The following GRIN2A variants were observed in gnomAD, a reference collection of about 807,000 sequenced individuals.
The protein encoded by GRIN2A is glutamate receptor ionotropic, NMDA 2A.
In GRIN2A, 22 loss-of-function variants were observed where a neutral mutation model predicts 113.4. That is an observed-to-expected ratio of 0.19 (90% CI 0.14 to 0.28). The LOEUF (loss-of-function observed/expected upper bound fraction) is 0.28. GRIN2A is among the 10% of genes least tolerant of loss of function. The pLI is 1.00. For missense variants in GRIN2A, 1,502 were observed against 1,887.0 expected, an observed-to-expected ratio of 0.80 and a Z score of 3.78; for synonymous variants, 827 against 738.4, an observed-to-expected ratio of 1.12 and a Z score of -1.94.
intron 8 of GRIN2A, among the ~76,000 whole-genome samples, chr16:9,830,915 G>T (rs1025012871): frequency 6.6e-6 from 1 of 152,174 alleles, no homozygotes; most frequent in Non-Finnish European, 1.5e-5. Flanking sequence ...CTTTATGAAC[G>T]ATTTAGTTTT....
chr16:10,121,651 A>G (rs2352760), intron 2 of GRIN2A: 128,029 of 151,866 alleles, frequency 0.84, 54,765 homozygotes, highest in East Asian at 0.92. Flanking sequence ...GCCACATATC[A>G]TGAGTTTCCA....
intron 3 of GRIN2A, among the ~76,000 whole-genome samples, chr16:9,904,489 T>C (rs1391256115): frequency 6.6e-6 from 1 of 152,094 alleles, no homozygotes; most frequent in African/African-American, 2.4e-5. Context: ...CTCATGTCTC[T>C]GTCTCCCCAG....
At chr16:10,006,932 G>T (rs2046414211) in intron 2 of GRIN2A, among the ~76,000 whole-genome samples, 1 of 152,122 alleles carries the variant, frequency 6.6e-6, no homozygotes, top group African/African-American at 2.4e-5. Context: ...GTGACCTTCA[G>T]TTTCATCCAT....
intron 2 of GRIN2A, among the ~76,000 whole-genome samples, chr16:10,159,458 G>C (rs13331579): frequency 0.026 from 3,910 of 152,232 alleles, 154 homozygotes; most frequent in African/African-American, 0.09. Flanking sequence ...CAACTACTAA[G>C]GACTATATCT....
At chr16:9,994,790 C>T (rs558618438) in intron 2 of GRIN2A, among the ~76,000 whole-genome samples, 5 of 152,178 alleles carry the variant, frequency 3.3e-5, no homozygotes, top group Admixed American at 6.5e-5. Flanking sequence ...CATTGGAACT[C>T]CTTTACCCTG....
chr16:9,807,826 T>G (rs947958837), intron 10 of GRIN2A, among the ~76,000 whole-genome samples: 2 of 152,098 alleles, frequency 1.3e-5, no homozygotes, highest in East Asian at 3.9e-4. Context: ...GTTGGGAAAG[T>G]CTAAATATTT....
In GRIN2A at chr16:9,753,485, T is replaced by A. The variant is rs867376945; in HGVS notation, c.*9664A>T. 1 of 203,198 alleles carries A rather than the reference T, an allele frequency of 4.9e-6. No individual in the cohort carries two copies. Among genetic ancestry groups the A allele is most frequent in the African/African-American group, 2.3e-5 (1 of 43,636 alleles). 12.6% of individuals were successfully genotyped at this position (203,198 alleles called of 1,614,324 possible). ...CCTGTATTTACATTTTTACACCATA[T>A]GACCGGGCACTTCTGTTGCCTCAGG... On this transcript the variant is annotated 3_prime_UTR_variant, in exon 13 of 13. Transcript: ENST00000330684.
intron 2 of GRIN2A, among the ~76,000 whole-genome samples, chr16:10,010,355 T>C (rs1219390327): frequency 6.6e-6 from 1 of 152,182 alleles, no homozygotes; most frequent in Non-Finnish European, 1.5e-5. Context: ...ACAGGAAAAA[T>C]AACTAATGGG....
intron 3 of GRIN2A, among the ~76,000 whole-genome samples, chr16:9,928,088 CA>C (rs2044503868): frequency 6.6e-6 from 1 of 152,202 alleles, no homozygotes. Flanking sequence ...ACACAGCTAG[CA>C]CCATCACGCT....
At chr16:10,126,955 G>A (rs1015182091) in intron 2 of GRIN2A, among the ~76,000 whole-genome samples, 22 of 152,140 alleles carry the variant, frequency 1.4e-4, no homozygotes, top group Non-Finnish European at 4.4e-5. Context: ...CATAAACAAA[G>A]AGCCTTTTCT....
intron 5 of GRIN2A, among the ~76,000 whole-genome samples, chr16:9,843,568 G>T (rs1192361766): frequency 3.3e-5 from 5 of 152,054 alleles, no homozygotes; most frequent in Non-Finnish European, 5.9e-5. Context: ...CTTTATCTCA[G>T]GATCACAGAC....
chr16:9,772,462 C>T (rs951964430), intron 11 of GRIN2A, among the ~76,000 whole-genome samples: 1 of 152,192 alleles, frequency 6.6e-6, no homozygotes, highest in Admixed American at 6.5e-5. Context: ...GTAGCAACTT[C>T]CTGGGCTCAG....
At chr16:9,901,167 T>G (rs559746831) in intron 3 of GRIN2A, among the ~76,000 whole-genome samples, 29 of 152,368 alleles carry the variant, frequency 1.9e-4, no homozygotes, top group African/African-American at 7.0e-4. Flanking sequence ...CCTAGAATAC[T>G]ACCTGGTATA....
chr16:9,913,656 G>A (rs553692602), intron 3 of GRIN2A, among the ~76,000 whole-genome samples: 49 of 152,228 alleles, frequency 3.2e-4, no homozygotes, highest in Non-Finnish European at 5.3e-4. Flanking sequence ...TGCATGTTTC[G>A]GAAATTGGGC....
rs1903214143 is a variant in GRIN2A at position 9,799,356 on chromosome 16, G to A, written c.2169-892C>T. On this transcript the variant is annotated intron_variant, in intron 10 of 12. Transcript: ENST00000330684. ...CTGGAGTTATGCTGCTGCAAGCCAA[G>A]GAACTACCAGAAGTCAGGAGAGAGG... Among the ~76,000 whole-genome samples the A allele has an allele frequency of 2.6e-5, 4 of 152,202 alleles. No homozygotes were observed. In the South Asian group the frequency reaches 8.3e-4, roughly 32 times the overall value.
intron 10 of GRIN2A, among the ~76,000 whole-genome samples, chr16:9,801,544 G>A (rs1216187310): frequency 6.6e-6 from 1 of 152,208 alleles, no homozygotes; most frequent in Non-Finnish European, 1.5e-5. Context: ...GGTATTTTAT[G>A]GACAGGCATA....
chr16:9,812,043 G>A (rs2042096277), intron 10 of GRIN2A, among the ~76,000 whole-genome samples: 1 of 152,160 alleles, frequency 6.6e-6, no homozygotes, highest in Admixed American at 6.5e-5. Context: ...GACGAAATTG[G>A]TACTAGGTTT....
At chr16:9,880,866 A>T (rs1025291427) in intron 4 of GRIN2A, among the ~76,000 whole-genome samples, 1 of 152,186 alleles carries the variant, frequency 6.6e-6, no homozygotes, top group African/African-American at 2.4e-5. Flanking sequence ...TCTCTTCTCT[A>T]AACACCTGGA....
intron 2 of GRIN2A, among the ~76,000 whole-genome samples, chr16:10,123,325 T>C (rs1446270488): frequency 6.6e-6 from 1 of 152,212 alleles, no homozygotes; most frequent in Non-Finnish European, 1.5e-5. Flanking sequence ...TCCTGCAGGC[T>C]GAAGCAGCCT....
Sources: allele counts gnomAD v4.1 joint callset (sites outside exome capture counted in the v4.1 genomes callset), GRCh38; gene constraint gnomAD v4.1.1; transcripts MANE v1.5; gene names NCBI Gene and HGNC (gene_info 2026-07-23, HGNC 2026-07-21).